The following OAS3 variants were observed in gnomAD, a reference collection of about 807,000 sequenced individuals.
OAS3 encodes the protein 2'-5'-oligoadenylate synthetase 3, also known as 2'-5'-oligoadenylate synthase 3.
OAS3 carries 107 observed loss-of-function variants against 113.0 expected under a neutral mutation model. That is an observed-to-expected ratio of 0.95 (90% CI 0.81 to 1.11). The LOEUF (loss-of-function observed/expected upper bound fraction) is 1.11, where lower values mean the gene tolerates loss of function less well. Among genes scored for constraint, OAS3 ranks in the 50% most tolerant of loss-of-function variants. OAS3 has a pLI of 0.00. For synonymous variants in OAS3, 552 were observed against 573.6 expected, an observed-to-expected ratio of 0.96 and a Z score of 0.54; for missense variants, 1,258 against 1,389.1, an observed-to-expected ratio of 0.91 and a Z score of 1.50.
rs1244843966 is a variant in OAS3 at position 112,970,243 on chromosome 12, TC to T, written c.*272del. On this transcript the variant is annotated 3_prime_UTR_variant, in exon 16 of 16. Transcript: ENST00000228928. The stretch of plus-strand genomic sequence containing the variant: ...CTGCGTTTGCAGCTTCTCTGTCACT[TC>T]CATGACTCTATCCTCATACCACCAC... 1 of 557,028 alleles carries T rather than the reference TC, an allele frequency of 1.8e-6. No homozygotes were observed. The highest frequency in any genetic ancestry group is 3.2e-6 in the Non-Finnish European group (1 of 309,322). 34.5% of individuals were successfully genotyped at this position (557,028 alleles called of 1,614,324 possible).
rs748859505 is a variant in OAS3 at position 112,962,704 on chromosome 12, C to T, written c.1886C>T (p.Ala629Val). The T allele has an allele frequency of 1.2e-6, 2 of 1,613,866 alleles. No homozygotes were observed. Among genetic ancestry groups the T allele is most frequent in the African/African-American group, 1.3e-5 (1 of 74,914 alleles). The stretch of plus-strand genomic sequence containing the variant: ...CCAGCCCCTGCCTCTCTGCCCCCAG[C>T]CTATGCCCTGGAGCTCCTCACCATC... ...KGPAPASLPP[A>V]YALELLTIFA... Residue 629 changes from alanine (A) to valine (V), a missense_variant, in exon 9 of 16, where the codon GCC (alanine) becomes GTC (valine). Physicochemically the swap from Ala to Val is moderately conservative, Grantham distance 64 (BLOSUM62 0). Transcript: ENST00000228928.
chr12:112,938,761 GCTT>G (rs1175670148), intron 1 of OAS3, 54 bp downstream of exon 1: 13 of 1,365,688 alleles, frequency 9.5e-6, no homozygotes, highest in Non-Finnish European at 1.3e-5. Flanking sequence ...CTGGGAGGAC[GCTT>G]AAGCCTCACA....
chr12:112,951,063 T>G (rs1187387763), intron 7 of OAS3, 88 bp downstream of exon 7: 1 of 1,349,706 alleles, frequency 7.4e-7, no homozygotes, highest in African/African-American at 1.5e-5. Context: ...TTTGTGATCC[T>G]AATTCTCCTA....
At chr12:112,943,824 G>T (rs1299501235) in intron 2 of OAS3, among the ~76,000 whole-genome samples, 1 of 152,110 alleles carries the variant, frequency 6.6e-6, no homozygotes, top group South Asian at 2.1e-4. Flanking sequence ...AGCAATTCTC[G>T]TGCTTCGGCC....
rs945695619 is a variant in OAS3 at position 112,972,461 on chromosome 12, G to A, written c.*2488G>A. On this transcript the variant is annotated 3_prime_UTR_variant, in exon 16 of 16. Coordinates refer to ENST00000228928, the MANE Select transcript of OAS3 (RefSeq NM_006187.4). ...CAGTTCTCCCTGAGTTGATTGATAG[G>A]CTTAATGGTCACCCTAAAAACACCC... 2.0e-5 allele frequency: 3 copies of A among 152,182 alleles called. No homozygotes were observed. The highest frequency in any genetic ancestry group is 7.2e-5 in the African/African-American group (3 of 41,422). The allele number at this position is 152,182 out of a possible 1,614,324, so 9.4% of individuals were successfully genotyped here. A position where few individuals can be genotyped will look rare whatever the true frequency, so the allele number is the denominator to read the frequency against.
rs970091408 is a variant in OAS3 at position 112,970,825 on chromosome 12, C to T, written c.*852C>T. 3 of 152,200 alleles carry T rather than the reference C, an allele frequency of 2.0e-5. No homozygotes were observed. Among genetic ancestry groups the T allele is most frequent in the African/African-American group, 7.2e-5 (3 of 41,416 alleles). The allele number at this position is 152,200 out of a possible 1,614,324, so 9.4% of individuals were successfully genotyped here. A position where few individuals can be genotyped will look rare whatever the true frequency, so the allele number is the denominator to read the frequency against. On this transcript the variant is annotated 3_prime_UTR_variant, in exon 16 of 16. Coordinates refer to ENST00000228928, the MANE Select transcript of OAS3 (RefSeq NM_006187.4). ...TCTTCATGAGAGGCCTCCTTTTCTT[C>T]ACCTTTTATGCTGCACTCCTCCCCT...
At position 112,944,372 on chromosome 12, in the gene OAS3, C is replaced by G. The variant is rs148581941; in HGVS notation, c.461-104C>G. 3.0e-3 allele frequency: 3,749 copies of G among 1,242,538 alleles called. 5 individuals are homozygous for G. Among genetic ancestry groups the G allele is most frequent in the Middle Eastern group, 4.3e-3 (18 of 4,222 alleles). The allele number at this position is 1,242,538 out of a possible 1,614,324, so 77.0% of individuals were successfully genotyped here. On this transcript the variant is annotated intron_variant, in intron 2 of 15. Transcript: ENST00000228928. ...TACCAGATTTCTTCCCCTCTGAATT[C>G]TTCCCACTCTCTCTCAGCGCCCCAG...
chr12:112,941,349 G>A (rs2043677759), intron 1 of OAS3, among the ~76,000 whole-genome samples: 1 of 152,086 alleles, frequency 6.6e-6, no homozygotes, highest in Non-Finnish European at 1.5e-5. Context: ...ACAAGACCCT[G>A]TTTCTATGGA....
chr12:112,944,333 C>G, intron 2 of OAS3, 143 bp from the exon 3 acceptor site: 1 of 814,528 alleles, frequency 1.2e-6, no homozygotes, highest in Non-Finnish European at 2.0e-6. Flanking sequence ...TTCCCAGTCC[C>G]CCGACTCCCA....
intron 2 of OAS3, among the ~76,000 whole-genome samples, chr12:112,942,907 T>A (rs1355434983): frequency 6.6e-6 from 1 of 151,792 alleles, no homozygotes; most frequent in African/African-American, 2.4e-5. Flanking sequence ...ACCCTAAGCC[T>A]AGTGTACCCA....
chr12:112,964,173 A>G, intron 10 of OAS3, 62 bp from the exon 11 acceptor site: 1 of 1,503,166 alleles, frequency 6.7e-7, no homozygotes, highest in Non-Finnish European at 9.0e-7. Context: ...ATCAAGGGGC[A>G]GGGCTTGGGT....
intron 2 of OAS3, among the ~76,000 whole-genome samples, chr12:112,942,559 TA>T (rs952414981): frequency 2.5e-4 from 38 of 152,054 alleles, no homozygotes; most frequent in African/African-American, 9.2e-4. Context: ...ATAATAATTT[TA>T]AAAAATAGCC....
chr12:112,961,942 T>C (rs1485256555), intron 8 of OAS3, among the ~76,000 whole-genome samples: 2 of 152,106 alleles, frequency 1.3e-5, no homozygotes, highest in Non-Finnish European at 1.5e-5. Flanking sequence ...ACTACAGGCA[T>C]GCACTACTAC....
chr12:112,958,321 G>T (rs2043853467), intron 7 of OAS3, among the ~76,000 whole-genome samples: 1 of 152,192 alleles, frequency 6.6e-6, no homozygotes, highest in Non-Finnish European at 1.5e-5. Context: ...ATTACCAATT[G>T]TCTGAAGCCT....
chr12:112,938,609 G>C lies in OAS3; in HGVS notation c.79G>C (p.Glu27Gln), dbSNP rs200540151. ...RRLQPRKEFV[E>Q]KARRALGALA... is the part of the protein sequence containing the mutation. ...GCTGCAGCCGCGGAAGGAGTTCGTA[G>C]AGAAGGCGCGGCGCGCTCTGGGCGC... The change falls in exon 1 of 16, where the codon GAG (glutamate) becomes CAG (glutamine). Residue 27 changes from glutamate (E) to glutamine (Q), a missense_variant. Coordinates refer to ENST00000228928, the MANE Select transcript of OAS3 (RefSeq NM_006187.4). 8 of 1,610,140 alleles carry C rather than the reference G, an allele frequency of 5.0e-6. No homozygotes were observed. Among genetic ancestry groups the C allele is most frequent in the Non-Finnish European group, 6.8e-6 (8 of 1,178,894 alleles).
Position 112,953,754 on chromosome 12 carries a change from T to C in OAS3, c.1657+2779T>C, listed in dbSNP as rs538195448. On this transcript the variant is annotated intron_variant, in intron 7 of 15. Transcript: ENST00000228928. ...TGATGGCCAGTGATGATGAGCATTT[T>C]TTCATGTGTCTGTTGGCTGCATAAA... Among the ~76,000 whole-genome samples, 12 of 152,342 alleles carry C rather than the reference T, an allele frequency of 7.9e-5. No homozygotes were observed. The South Asian group carries it at 2.5e-3, about 32-fold the overall frequency.
chr12:112,951,774 G>T (rs895556836), intron 7 of OAS3, among the ~76,000 whole-genome samples: 3 of 148,084 alleles, frequency 2.0e-5, no homozygotes, highest in African/African-American at 5.0e-5. Context: ...ATGCGGGCAG[G>T]TCACTTGAGG....
rs1221037386 is a variant in OAS3, at chr12:112,967,936, T to C, written c.2866T>C (p.Cys956Arg). 6.2e-7 allele frequency: 1 copy of C among 1,612,638 alleles called. No homozygotes were observed. Among genetic ancestry groups the C allele is most frequent in the Non-Finnish European group, 8.5e-7 (1 of 1,179,078 alleles). ...ACATATCTTTCTTCTCGTTCTCCAG[T>C]GTACCAAGATCTCCAAGGGGAGAGG... ...IRLVKHWYQQCTKISKGRGSL... is the reference protein window; with the variant it reads ...IRLVKHWYQQRTKISKGRGSL... Residue 956 changes from cysteine to arginine, a missense_variant and splice_region_variant, in exon 14 of 16, where the codon TGT (cysteine) becomes CGT (arginine). By Grantham distance (180) the Cys-to-Arg change is radical (BLOSUM62 -3). Coordinates refer to ENST00000228928, the MANE Select transcript of OAS3 (RefSeq NM_006187.4).
rs2043986078 is a variant in OAS3 at position 112,971,732 on chromosome 12, G to A, written c.*1759G>A. The A allele has an allele frequency of 6.6e-6, 1 of 152,158 alleles. No individual in the cohort carries two copies. The highest frequency in any genetic ancestry group is 2.4e-5 in the African/African-American group (1 of 41,414). 9.4% of individuals were successfully genotyped at this position (152,158 alleles called of 1,614,324 possible). A position where few individuals can be genotyped will look rare whatever the true frequency, so the allele number is the denominator to read the frequency against. On this transcript the variant is annotated 3_prime_UTR_variant, in exon 16 of 16. Transcript: ENST00000228928. ...TCTTGGAGAGAGGTGAGCAACCAAGGGAAGCTCCTCTGATTCACCTAGAAC... is the reference window on the plus strand; with the variant it reads ...TCTTGGAGAGAGGTGAGCAACCAAGAGAAGCTCCTCTGATTCACCTAGAAC...
Sources: gnomAD v4.1 joint callset for allele counts (sites outside exome capture counted in the v4.1 genomes callset) on GRCh38, gnomAD v4.1.1 for gene constraint, MANE v1.5 for transcripts, NCBI Gene and HGNC (gene_info 2026-07-23, HGNC 2026-07-21) for gene names.